NAALADL2: variants seen among roughly 807,000 people sequenced by gnomAD.
NAALADL2 encodes N-acetylated alpha-linked acidic dipeptidase like 2.
NAALADL2 carries 76 observed loss-of-function variants against 87.2 expected under a neutral mutation model. That is an observed-to-expected ratio of 0.87 (90% confidence interval 0.72 to 1.05). NAALADL2 has a LOEUF of 1.05. NAALADL2 is among the 50% of genes least tolerant of loss of function. The probability of loss-of-function intolerance (pLI) is 0.00; values close to 1 mark genes in which losing one functional copy is unlikely to be tolerated. For synonymous variants in NAALADL2, 354 were observed against 331.0 expected (o/e 1.07, Z -0.75); for missense variants, 1,089 against 945.8 (o/e 1.15, Z -1.99).
chr3:174,609,059 A>G (rs1188467101), intron 2 of NAALADL2, among the ~76,000 whole-genome samples: 1 of 151,920 alleles, frequency 6.6e-6, no homozygotes, highest in Non-Finnish European at 1.5e-5. Flanking sequence ...CCAAAGACAA[A>G]AACCACATGA....
chr3:175,629,102 T>C, intron 11 of NAALADL2, among the ~76,000 whole-genome samples: 1 of 149,492 alleles, frequency 6.7e-6, no homozygotes, highest in East Asian at 1.9e-4. Flanking sequence ...ATCTTAGCTG[T>C]ATTTCTAATA....
chr3:175,020,698 TA>T (rs1431726114), intron 1 of NAALADL2, among the ~76,000 whole-genome samples: 1 of 152,066 alleles, frequency 6.6e-6, no homozygotes, highest in Non-Finnish European at 1.5e-5. Flanking sequence ...CTATTATCTC[TA>T]AATATCACTT....
chr3:175,058,461 T>G (rs1241344266), intron 1 of NAALADL2, among the ~76,000 whole-genome samples: 1 of 152,216 alleles, frequency 6.6e-6, no homozygotes, highest in East Asian at 1.9e-4. Context: ...GAGGCAGTTA[T>G]TCATCTAAGA....
At chr3:175,264,377 T>G (rs908781266) in intron 4 of NAALADL2, among the ~76,000 whole-genome samples, 2 of 151,792 alleles carry the variant, frequency 1.3e-5, no homozygotes, top group Non-Finnish European at 3.0e-5. Context: ...GCCCTTAATA[T>G]CTGTATGAGG....
intron 1 of NAALADL2, among the ~76,000 whole-genome samples, chr3:174,451,266 T>C (rs1217846804): frequency 6.6e-6 from 1 of 152,236 alleles, no homozygotes. Flanking sequence ...GATATTCCAG[T>C]GACTTACCAT....
At chr3:175,500,714 CCATCTTACA>C (rs1729423827) in intron 9 of NAALADL2, among the ~76,000 whole-genome samples, 1 of 151,946 alleles carries the variant, frequency 6.6e-6, no homozygotes, top group African/African-American at 2.4e-5. Context: ...ATTATTATCT[CCATCTTACA>C]GATGAAGAAA....
At chr3:175,477,359 G>T (rs924321214) in intron 9 of NAALADL2, among the ~76,000 whole-genome samples, 3 of 152,072 alleles carry the variant, frequency 2.0e-5, no homozygotes, top group African/African-American at 7.2e-5. Flanking sequence ...GTGAATTTCA[G>T]ACTAAAGTCA....
chr3:175,465,974 C>T (rs1305776616), intron 7 of NAALADL2, among the ~76,000 whole-genome samples: 1 of 152,178 alleles, frequency 6.6e-6, no homozygotes, highest in Non-Finnish European at 1.5e-5. Flanking sequence ...ACTCCTAAAA[C>T]TCAGAACAAC....
intron 2 of NAALADL2, among the ~76,000 whole-genome samples, chr3:174,593,132 T>A (rs535948943): frequency 1.3e-5 from 2 of 152,290 alleles, no homozygotes; most frequent in African/African-American, 4.8e-5. Flanking sequence ...CTTTACATCT[T>A]GGATGGTAGC....
At chr3:174,734,219 C>T (rs182555956) in intron 2 of NAALADL2, among the ~76,000 whole-genome samples, 327 of 152,256 alleles carry the variant, frequency 2.1e-3, no homozygotes, top group African/African-American at 7.7e-3. Flanking sequence ...CAATCCTCCT[C>T]ATTCCATATT....
chr3:174,455,261 C>T (rs1715757934), intron 1 of NAALADL2, among the ~76,000 whole-genome samples: 1 of 152,012 alleles, frequency 6.6e-6, no homozygotes, highest in Non-Finnish European at 1.5e-5. Flanking sequence ...AACAAAAATT[C>T]CAGGAACAGA....
intron 2 of NAALADL2, among the ~76,000 whole-genome samples, chr3:174,552,172 C>T (rs1371726304): frequency 6.6e-6 from 1 of 152,094 alleles, no homozygotes; most frequent in African/African-American, 2.4e-5. Context: ...ATATTGTCTT[C>T]CAATCGTTGG....
chr3:175,325,197 T>C (rs759807019), intron 5 of NAALADL2, among the ~76,000 whole-genome samples: 6 of 152,198 alleles, frequency 3.9e-5, no homozygotes, highest in Non-Finnish European at 7.4e-5. Context: ...CTGGTTATCT[T>C]ACTCAAATCC....
intron 11 of NAALADL2, among the ~76,000 whole-genome samples, chr3:175,670,418 A>ATTATATTAC (rs1279609162): frequency 2.0e-5 from 3 of 146,442 alleles, no homozygotes; most frequent in Non-Finnish European, 4.5e-5. Flanking sequence ...ATTAAATGTA[A>ATTATATTAC]ATTTAATATA....
intron 1 of NAALADL2, among the ~76,000 whole-genome samples, chr3:174,538,025 AT>A (rs1480219146): frequency 6.6e-6 from 1 of 152,054 alleles, no homozygotes; most frequent in African/African-American, 2.4e-5. Context: ...GGCTCTTAGT[AT>A]TTATAGTGTG....
chr3:175,193,897 A>G (rs1738583544), intron 2 of NAALADL2, among the ~76,000 whole-genome samples: 1 of 149,864 alleles, frequency 6.7e-6, no homozygotes, highest in African/African-American at 2.5e-5. Flanking sequence ...TATTTCATGA[A>G]ACTTAATGTG....
At chr3:175,604,119 A>G (rs545538867) in intron 10 of NAALADL2, among the ~76,000 whole-genome samples, 2 of 152,258 alleles carry the variant, frequency 1.3e-5, no homozygotes, top group South Asian at 2.1e-4. Flanking sequence ...AGGAACTTCC[A>G]TACTATTTTT....
chr3:174,836,708 C>CAAAAAAAAA (rs36091749), intron 3 of NAALADL2, among the ~76,000 whole-genome samples: 1 of 65,384 alleles, frequency 1.5e-5, no homozygotes, highest in African/African-American at 5.7e-5. Flanking sequence ...GACTCCGTCT[C>CAAAAAAAAA]AAAAAAAAAA....
chr3:174,593,683 A>C lies in NAALADL2; in HGVS notation c.-115+43046A>C, dbSNP rs146351295. ...TAACACTCAAATTCTGGTATCAGAA[A>C]TCCTTGTATATAGCCTATTTTGGAG... On this transcript the variant is annotated intron_variant, in intron 2 of 3. Transcript: ENST00000434257. Among the ~76,000 whole-genome samples, 980 of 152,294 alleles carry C rather than the reference A, an allele frequency of 6.4e-3. 9 individuals are homozygous for C. The highest frequency in any genetic ancestry group is 0.022 in the African/African-American group (918 of 41,564).
Sources: allele counts gnomAD v4.1 joint callset (sites outside exome capture counted in the v4.1 genomes callset), GRCh38; gene constraint gnomAD v4.1.1; transcripts MANE v1.5; gene names NCBI Gene and HGNC (gene_info 2026-07-23, HGNC 2026-07-21).